Variants in OPRK1 observed in about 807,000 individuals in gnomAD.
The protein encoded by OPRK1 is opioid receptor kappa 1, also known as kappa-type opioid receptor.
In OPRK1, 15 loss-of-function variants were observed where a neutral mutation model predicts 24.5. The ratio of observed to expected loss-of-function variants is 0.61; its 90% CI spans 0.41 to 0.94. OPRK1 has a LOEUF of 0.94. OPRK1 is among the 40% of genes least tolerant of loss of function. The pLI is 0.00. For missense variants in OPRK1, 479 were observed against 507.3 expected (o/e 0.94, Z 0.54); for synonymous variants, 205 against 198.0 (o/e 1.04, Z -0.30).
At chr8:53,248,494 A>G (rs1807289895) in intron 2 of OPRK1, among the ~76,000 whole-genome samples, 2 of 152,060 alleles carry the variant, frequency 1.3e-5, no homozygotes, top group African/African-American at 4.8e-5. Context: ...GGGCCTCCAC[A>G]CCCTGGTTCT....
At chr8:53,245,963 C>T (rs1471080969) in intron 2 of OPRK1, among the ~76,000 whole-genome samples, 3 of 152,166 alleles carry the variant, frequency 2.0e-5, no homozygotes, top group African/African-American at 7.2e-5. Flanking sequence ...CTATCTTAGC[C>T]AGTCCCACAG....
chr8:53,229,564 T>C lies in OPRK1; in HGVS notation c.876A>G (p.Ile292Met). Residue 292 changes from isoleucine (I) to methionine (M), a missense_variant, in exon 4 of 4, where the codon ATA (isoleucine) becomes ATG (methionine). Ile to Met is a conservative substitution (Grantham distance 10). Transcript: ENST00000265572. ...VFVVCWTPIH[I>M]FILVEALGST... ...TCCCCAGAGCCTCCACCAGGATGAA[T>C]ATGTGAATGGGAGTCCAGCAGACGA... The C allele has an allele frequency of 1.2e-6, 2 of 1,614,108 alleles. No homozygotes were observed. Among genetic ancestry groups the C allele is most frequent in the Non-Finnish European group, 8.5e-7 (1 of 1,180,014 alleles).
At chr8:53,249,104 A>G (rs1807305383) in intron 2 of OPRK1, among the ~76,000 whole-genome samples, 1 of 152,186 alleles carries the variant, frequency 6.6e-6, no homozygotes, top group Non-Finnish European at 1.5e-5. Context: ...TTTTAATCCT[A>G]GTCTGCAAAA....
Position 53,229,699 on chromosome 8 carries a change from G to A in OPRK1, c.741C>T (p.Thr247=), listed in dbSNP as rs762335353. 1 of 1,613,984 alleles carries A rather than the reference G, an allele frequency of 6.2e-7. No individual in the cohort carries two copies. The highest frequency in any genetic ancestry group is 8.5e-7 in the Non-Finnish European group (1 of 1,180,026). The change falls in exon 4 of 4, where the codon ACC becomes ACT. Residue 247 remains threonine, a synonymous_variant. Coordinates refer to ENST00000265572, the MANE Select transcript of OPRK1 (RefSeq NM_000912.5). ...IPVLIIIVCY[T]LMILRLKSVR... is the part of the protein sequence containing the mutation. ...CGCTCTTGAGACGCAGGATCATCAG[G>A]GTGTAGCAGACGATGATGATGAGGA...
intron 3 of OPRK1, among the ~76,000 whole-genome samples, chr8:53,234,531 C>A (rs80324022): frequency 7.2e-4 from 109 of 152,202 alleles, no homozygotes; most frequent in African/African-American, 2.5e-3. Flanking sequence ...GAATGGGAGA[C>A]AGGTCGGGCA....
chr8:53,249,977 T>G (rs1807330486), intron 2 of OPRK1, among the ~76,000 whole-genome samples: 1 of 152,152 alleles, frequency 6.6e-6, no homozygotes, highest in African/African-American at 2.4e-5. Flanking sequence ...TTGTTTTTCT[T>G]TCTTAAAGTC....
Position 53,230,174 on chromosome 8 carries a change from T to A in OPRK1, c.611-345A>T, listed in dbSNP as rs114295719. On this transcript the variant is annotated intron_variant, in intron 3 of 3. Transcript: ENST00000265572. Reference sequence around the variant, plus strand: ...AGAGTTAATGTATACCATGAGTACTTATTTCTATTTCCATTCATTAACACT... The same window carrying A: ...AGAGTTAATGTATACCATGAGTACTAATTTCTATTTCCATTCATTAACACT... Among the ~76,000 whole-genome samples the A allele has an allele frequency of 3.4e-3, 511 of 152,074 alleles. 6 individuals carry two copies. Among genetic ancestry groups the A allele is most frequent in the African/African-American group, 0.012 (493 of 41,482 alleles).
At chr8:53,232,950 A>C (rs546667967) in intron 3 of OPRK1, among the ~76,000 whole-genome samples, 5 of 152,376 alleles carry the variant, frequency 3.3e-5, no homozygotes, top group Middle Eastern at 3.4e-3. Context: ...ACAAAGTGAA[A>C]GCTTTGCCTC....
chr8:53,235,201 T>A (rs1382667669), intron 2 of OPRK1, 90 bp from the exon 3 acceptor site: 3 of 1,118,048 alleles, frequency 2.7e-6, no homozygotes, highest in Non-Finnish European at 3.8e-6. Flanking sequence ...GATTACTGAT[T>A]TTGCTTCTTC....
chr8:53,233,020 G>C (rs1806894294), intron 3 of OPRK1, among the ~76,000 whole-genome samples: 1 of 152,154 alleles, frequency 6.6e-6, no homozygotes, highest in Non-Finnish European at 1.5e-5. Flanking sequence ...AAAATCCTAT[G>C]TGTGATTAAT....
intron 2 of OPRK1, chr8:53,242,925 T>C (rs1479771295): frequency 2.3e-6 from 3 of 1,288,168 alleles, no homozygotes; most frequent in East Asian, 1.1e-4. Flanking sequence ...GTTTGGCCAA[T>C]GGAGAAGGCA....
Position 53,250,778 on chromosome 8 carries a change from C to T in OPRK1, c.257+3G>A, listed in dbSNP as rs1807361546. The T allele has an allele frequency of 1.2e-6, 2 of 1,603,804 alleles. No homozygotes were observed. The highest frequency in any genetic ancestry group is 1.7e-6 in the Non-Finnish European group (2 of 1,174,510). On this transcript the variant is annotated splice_donor_region_variant and intron_variant, in intron 2 of 3. Coordinates refer to ENST00000265572, the MANE Select transcript of OPRK1 (RefSeq NM_000912.5). Reference sequence around the variant, plus strand: ...CCCAGCGCTGCGCTGTCCCCGCGCTCACCGGATGATCACGAACATGACCAG... The same window carrying T: ...CCCAGCGCTGCGCTGTCCCCGCGCTTACCGGATGATCACGAACATGACCAG...
chr8:53,245,787 G>A (rs1807214337), intron 2 of OPRK1, among the ~76,000 whole-genome samples: 1 of 152,146 alleles, frequency 6.6e-6, no homozygotes, highest in Non-Finnish European at 1.5e-5. Flanking sequence ...TGTTTTGTAG[G>A]AGTGATTTGA....
At chr8:53,231,876 C>T (rs142763162) in intron 3 of OPRK1, among the ~76,000 whole-genome samples, 21 of 152,252 alleles carry the variant, frequency 1.4e-4, no homozygotes, top group African/African-American at 4.6e-4. Context: ...TCGGATAGAC[C>T]TTTAACTCCG....
chr8:53,240,413 C>A (rs1459116582), intron 2 of OPRK1, among the ~76,000 whole-genome samples: 1 of 152,154 alleles, frequency 6.6e-6, no homozygotes, highest in East Asian at 1.9e-4. Context: ...CAAGTGTGAT[C>A]AAATGCCATG....
At chr8:53,230,106 T>C (rs1211478514) in intron 3 of OPRK1, among the ~76,000 whole-genome samples, 1 of 151,688 alleles carries the variant, frequency 6.6e-6, no homozygotes, top group African/African-American at 2.4e-5. Flanking sequence ...GCTCATCTAG[T>C]TGCAGAAGTT....
Position 53,251,051 on chromosome 8 carries a change from C to T in OPRK1, c.-14G>A. ...CGGGGAGTCCATGGTGGGGCGATTGCAGCAGGAAGGCGAGGACAGGCGGCA... is the reference window on the plus strand; with the variant it reads ...CGGGGAGTCCATGGTGGGGCGATTGTAGCAGGAAGGCGAGGACAGGCGGCA... On this transcript the variant is annotated 5_prime_UTR_variant, in exon 2 of 4. Transcript: ENST00000265572. 6.7e-7 allele frequency: 1 copy of T among 1,501,484 alleles called. No homozygotes were observed. 93.0% of individuals were successfully genotyped at this position (1,501,484 alleles called of 1,614,324 possible). A position where few individuals can be genotyped will look rare whatever the true frequency, so the allele number is the denominator to read the frequency against.
chr8:53,235,612 T>A (rs1231054974), intron 2 of OPRK1, among the ~76,000 whole-genome samples: 4 of 152,214 alleles, frequency 2.6e-5, no homozygotes, highest in Non-Finnish European at 1.5e-5. Context: ...TCAGTTGCAA[T>A]GGCTGAAACA....
chr8:53,228,678 C>G lies in OPRK1; in HGVS notation c.*619G>C, dbSNP rs199573878. The G allele has an allele frequency of 1.3e-5, 2 of 152,062 alleles. No homozygotes were observed. Among genetic ancestry groups the G allele is most frequent in the Non-Finnish European group, 2.9e-5 (2 of 68,016 alleles). The allele number at this position is 152,062 out of a possible 1,614,324, so 9.4% of individuals were successfully genotyped here. A position where few individuals can be genotyped will look rare whatever the true frequency, so the allele number is the denominator to read the frequency against. On this transcript the variant is annotated 3_prime_UTR_variant, in exon 4 of 4. Transcript: ENST00000265572. ...ACCATGTTAAAAACAATCTTTTGAA[C>G]GTTTAAATAATTTCATAAATAGCAA...
Sources: allele counts gnomAD v4.1 joint callset (sites outside exome capture counted in the v4.1 genomes callset), GRCh38; gene constraint gnomAD v4.1.1; transcripts MANE v1.5; gene names NCBI Gene and HGNC (gene_info 2026-07-23, HGNC 2026-07-21).